Variants in TRIP12 observed in about 807,000 individuals in gnomAD.
The protein encoded by TRIP12 is thyroid hormone receptor interactor 12.
TRIP12 carries 25 observed loss-of-function variants against 244.2 expected under a neutral mutation model. That is an observed-to-expected ratio of 0.10 (90% CI 0.07 to 0.14). TRIP12 has a LOEUF of 0.14. Ranked by LOEUF, TRIP12 falls within the 10% of genes least tolerant of loss-of-function variation. TRIP12 has a pLI of 1.00. For synonymous variants in TRIP12, 905 were observed against 873.1 expected, an observed-to-expected ratio of 1.04 and a Z score of -0.64; for missense variants, 1,677 against 2,486.4, an observed-to-expected ratio of 0.67 and a Z score of 6.92.
intron 18 of TRIP12, 130 bp downstream of exon 18, chr2:229,805,600 G>T (rs979224036): frequency 1.0e-6 from 1 of 996,708 alleles, no homozygotes. Context: ...TTAAAAAATC[G>T]AAAACCAAAT....
rs748396366 is a variant in TRIP12, at chr2:229,858,822, TTAGAAGACCCTGGAA to T, written c.962_976del (p.Leu321_Lys326delinsGln). The T allele has an allele frequency of 2.2e-5, 35 of 1,612,972 alleles. No homozygotes were observed. Among genetic ancestry groups the T allele is most frequent in the Non-Finnish European group, 4.2e-6 (5 of 1,179,150 alleles). ...AGGTCCAGGTTTTGATGTCTCTGAC[TTAGAAGACCCTGGAA>T]GAGACAGTTTTGTTTTAGGAAGGCT... On this transcript the variant is annotated inframe_deletion, in exon 4 of 42. Transcript: ENST00000675903.
intron 1 of TRIP12, among the ~76,000 whole-genome samples, chr2:229,907,950 C>T (rs1482920941): frequency 6.6e-6 from 1 of 151,266 alleles, no homozygotes; most frequent in African/African-American, 2.4e-5. Context: ...TTCCATTTTA[C>T]AGATGGGAGA....
intron 1 of TRIP12, among the ~76,000 whole-genome samples, chr2:229,919,574 T>C (rs1373127772): frequency 6.6e-6 from 1 of 151,402 alleles, no homozygotes; most frequent in Non-Finnish European, 1.5e-5. Context: ...TTCTGGAACC[T>C]AACTGCCAAA....
intron 8 of TRIP12, among the ~76,000 whole-genome samples, chr2:229,824,437 C>T (rs2050940734): frequency 6.6e-6 from 1 of 152,152 alleles, no homozygotes; most frequent in African/African-American, 2.4e-5. Flanking sequence ...AAGCAGCAAA[C>T]CTGCTTCTAG....
intron 1 of TRIP12, among the ~76,000 whole-genome samples, chr2:229,916,705 C>G (rs2075455344): frequency 6.6e-6 from 1 of 152,046 alleles, no homozygotes; most frequent in South Asian, 2.1e-4. Flanking sequence ...AATAAACAAC[C>G]AAAATCTAAA....
intron 32 of TRIP12, 82 bp from the exon 33 acceptor site, chr2:229,787,743 A>C (rs1457218235): frequency 7.9e-7 from 1 of 1,260,778 alleles, no homozygotes; most frequent in Non-Finnish European, 1.1e-6. Flanking sequence ...TATATTAGAA[A>C]CAACTTTTGA....
chr2:229,792,833 T>A, intron 27 of TRIP12, 140 bp downstream of exon 27: 1 of 886,186 alleles, frequency 1.1e-6, no homozygotes, highest in Non-Finnish European at 1.6e-6. Context: ...AAGTAGAAAA[T>A]AAAAGACAGG....
chr2:229,886,706 A>T (rs2066101687), intron 1 of TRIP12, among the ~76,000 whole-genome samples: 1 of 152,136 alleles, frequency 6.6e-6, no homozygotes, highest in Non-Finnish European at 1.5e-5. Flanking sequence ...ACCTCAAGTG[A>T]TCCACCCTCC....
At chr2:229,805,441 T>C (rs542410806) in intron 18 of TRIP12, among the ~76,000 whole-genome samples, 225 of 152,258 alleles carry the variant, frequency 1.5e-3, no homozygotes, top group Non-Finnish European at 1.9e-3. Flanking sequence ...AACTAGTCAA[T>C]GGATCTAAAG....
In TRIP12 at chr2:229,873,386, C is replaced by A. The variant is rs531029037; in HGVS notation, c.98+6596G>T. On this transcript the variant is annotated intron_variant, in intron 2 of 41. Transcript: ENST00000675903. The stretch of plus-strand genomic sequence containing the variant: ...ATAAGCAAAAACAATTTCTCCTAAA[C>A]CTACCTAACTATCCAAAAACTGAAA... Among the ~76,000 whole-genome samples, 11 of 152,274 alleles carry A rather than the reference C, an allele frequency of 7.2e-5. No homozygotes were observed. The East Asian group carries it at 2.1e-3, about 29-fold the overall frequency.
intron 33 of TRIP12, among the ~76,000 whole-genome samples, chr2:229,787,120 T>A (rs1286587428): frequency 1.3e-5 from 2 of 152,222 alleles, no homozygotes; most frequent in Non-Finnish European, 2.9e-5. Context: ...GTTAAGGGAA[T>A]GAAATGGATC....
Position 229,789,611 on chromosome 2 carries a change from A to C in TRIP12, c.4695T>G (p.Asp1565Glu), listed in dbSNP as rs2040929994. 1 of 1,613,298 alleles carries C rather than the reference A, an allele frequency of 6.2e-7. No homozygotes were observed. ...AISRYWYYLY[D>E]NAMCKEIIPT... is the part of the protein sequence containing the mutation. ...TTCATAAATAGGCAACATTACTCACATCATACAAGTAATACCAGTATCGAC... is the reference window on the plus strand; with the variant it reads ...TTCATAAATAGGCAACATTACTCACCTCATACAAGTAATACCAGTATCGAC... Residue 1565 changes from aspartate (D) to glutamate (E), a missense_variant and splice_region_variant, in exon 31 of 42, where the codon GAT becomes GAG. Asp to Glu is a conservative substitution (Grantham distance 45). Coordinates refer to ENST00000675903, the MANE Select transcript of TRIP12 (RefSeq NM_001348323.3).
chr2:229,799,985 A>G (rs763719750), intron 21 of TRIP12, among the ~76,000 whole-genome samples: 2 of 152,248 alleles, frequency 1.3e-5, no homozygotes, highest in African/African-American at 2.4e-5. Context: ...ATAGTAGTAT[A>G]TAAGTACATA....
At chr2:229,911,531 T>C (rs142956295) in intron 1 of TRIP12, among the ~76,000 whole-genome samples, 6 of 152,318 alleles carry the variant, frequency 3.9e-5, no homozygotes, top group Non-Finnish European at 7.4e-5. Flanking sequence ...TCTATTCCAC[T>C]GCAGGGTGAC....
At chr2:229,913,379 CAG>C (rs1350893973) in intron 1 of TRIP12, among the ~76,000 whole-genome samples, 1 of 152,098 alleles carries the variant, frequency 6.6e-6, no homozygotes, top group Non-Finnish European at 1.5e-5. Context: ...TGAAACATAA[CAG>C]AACTTGGAAG....
Position 229,771,537 on chromosome 2 carries a change from C to A in TRIP12, c.5790G>T (p.Gln1930His), listed in dbSNP as rs1162657198. Residue 1930 changes from glutamine to histidine, a missense_variant, in exon 39 of 42, where the codon CAG becomes CAT. Physicochemically the swap from Gln to His is conservative, Grantham distance 24 (BLOSUM62 0). Around this residue, in one of 11 missense-constraint regions of TRIP12, gnomAD observed 171 missense variants for 388.4 expected, o/e 0.44. Coordinates refer to ENST00000675903, the MANE Select transcript of TRIP12 (RefSeq NM_001348323.3). ...FESVFPLSHL[Q>H]YFYPEELDQL... Reference sequence around the variant, plus strand: ...TACTCACTTCCTCCGGGTAGAAGTACTGAAGATGACTGAGTGGGAAGACTG... The same window carrying A: ...TACTCACTTCCTCCGGGTAGAAGTAATGAAGATGACTGAGTGGGAAGACTG... The A allele has an allele frequency of 6.2e-7, 1 of 1,613,838 alleles. No individual in the cohort carries two copies. Among genetic ancestry groups the A allele is most frequent in the Non-Finnish European group, 8.5e-7 (1 of 1,179,770 alleles).
At position 229,802,323 on chromosome 2, in the gene TRIP12, A is replaced by T; in HGVS notation, c.3135T>A (p.His1045Gln). The T allele has an allele frequency of 6.2e-7, 1 of 1,613,722 alleles. No individual in the cohort carries two copies. Among genetic ancestry groups the T allele is most frequent in the African/African-American group, 1.3e-5 (1 of 75,046 alleles). The change falls in exon 21 of 42, where the codon CAT becomes CAA. Residue 1045 changes from histidine to glutamine, a missense_variant. This residue lies in a region of TRIP12 where 572 missense variants were observed against 867.8 expected (regional missense o/e 0.66). Coordinates refer to ENST00000675903, the MANE Select transcript of TRIP12 (RefSeq NM_001348323.3). ...TGGGTGATCCCAAGTCAGCTGCAGC[A>T]TGAGTGGCAGCTGTGGCTGTCCCAC... ...VSSGTATAATHAAADLGSPSL... is the reference protein window; with the variant it reads ...VSSGTATAATQAAADLGSPSL...
At chr2:229,768,248 G>A (rs887268817) in intron 41 of TRIP12, among the ~76,000 whole-genome samples, 3 of 152,152 alleles carry the variant, frequency 2.0e-5, no homozygotes, top group Admixed American at 6.5e-5. Flanking sequence ...GGTGACAAGA[G>A]TGAGATCCTG....
chr2:229,914,114 G>A (rs568700977), intron 1 of TRIP12, among the ~76,000 whole-genome samples: 4 of 152,080 alleles, frequency 2.6e-5, no homozygotes, highest in African/African-American at 9.7e-5. Flanking sequence ...GCAGGGAATC[G>A]CTTGAACCAA....
Sources: allele counts gnomAD v4.1 joint callset (sites outside exome capture counted in the v4.1 genomes callset), GRCh38; gene constraint gnomAD v4.1.1; regional missense constraint gnomAD v4.1.1; transcripts MANE v1.5; gene names NCBI Gene and HGNC (gene_info 2026-07-23, HGNC 2026-07-21).